Variants in PRKN observed in about 807,000 individuals in gnomAD.
PRKN encodes E3 ubiquitin-protein ligase parkin.
In PRKN, 56 loss-of-function variants were observed where a neutral mutation model predicts 59.5. The ratio of observed to expected loss-of-function variants is 0.94; its 90% CI spans 0.76 to 1.18. PRKN has a LOEUF of 1.18. PRKN is among the 50% of genes most tolerant of loss of function. The probability of loss-of-function intolerance (pLI) is 0.00; values close to 1 mark genes in which losing one functional copy is unlikely to be tolerated. For synonymous variants in PRKN, 250 were observed against 222.1 expected (o/e 1.13, Z -1.12); for missense variants, 657 against 596.4 (o/e 1.10, Z -1.06).
At chr6:162,163,952 T>C (rs1372876690) in intron 4 of PRKN, among the ~76,000 whole-genome samples, 2 of 148,926 alleles carry the variant, frequency 1.3e-5, no homozygotes, top group Admixed American at 6.7e-5. Context: ...GGTGACTCAC[T>C]AACATTTAAG....
intron 7 of PRKN, among the ~76,000 whole-genome samples, chr6:161,763,943 C>A (rs892556912): frequency 2.0e-5 from 3 of 152,230 alleles, no homozygotes; most frequent in Non-Finnish European, 4.4e-5. Context: ...TTTCCTCCCT[C>A]CAGCAGGAGT....
intron 1 of PRKN, among the ~76,000 whole-genome samples, chr6:162,682,594 G>A (rs922853489): frequency 3.3e-5 from 5 of 152,054 alleles, no homozygotes; most frequent in African/African-American, 1.2e-4. Flanking sequence ...AGGTACTGGG[G>A]CCTACTTGAG....
intron 1 of PRKN, among the ~76,000 whole-genome samples, chr6:162,721,262 A>G (rs778369207): frequency 2.6e-4 from 40 of 152,230 alleles, no homozygotes; most frequent in Admixed American, 7.9e-4. Context: ...TAAGAAGTAC[A>G]ATGAAGGTCA....
intron 2 of PRKN, among the ~76,000 whole-genome samples, chr6:162,314,197 C>A (rs756165939): frequency 4.6e-5 from 7 of 152,094 alleles, no homozygotes; most frequent in Non-Finnish European, 1.0e-4. Context: ...ATCCCATGTT[C>A]TGGGTTGAGT....
At chr6:161,763,690 C>G (rs113257874) in intron 7 of PRKN, among the ~76,000 whole-genome samples, 16 of 152,192 alleles carry the variant, frequency 1.1e-4, no homozygotes, top group Non-Finnish European at 5.9e-5. Flanking sequence ...CTTTCCCCCC[C>G]ACAACGTGCA....
chr6:161,888,774 T>C (rs2128231479), intron 6 of PRKN, among the ~76,000 whole-genome samples: 1 of 152,270 alleles, frequency 6.6e-6, no homozygotes, highest in Admixed American at 6.5e-5. Context: ...ACTAGAACCT[T>C]CAATCCATTA....
At chr6:161,856,609 T>G (rs1426069466) in intron 6 of PRKN, among the ~76,000 whole-genome samples, 1 of 152,174 alleles carries the variant, frequency 6.6e-6, no homozygotes, top group Admixed American at 6.5e-5. Context: ...AATATATTTC[T>G]ACAAATGTGT....
At chr6:162,088,444 G>A (rs1439704064) in intron 4 of PRKN, among the ~76,000 whole-genome samples, 1 of 152,084 alleles carries the variant, frequency 6.6e-6, no homozygotes, top group Non-Finnish European at 1.5e-5. Flanking sequence ...TAAGCTACTT[G>A]TTATATCTTT....
chr6:161,775,049 T>C (rs919016421), intron 7 of PRKN, among the ~76,000 whole-genome samples: 2 of 152,132 alleles, frequency 1.3e-5, no homozygotes, highest in Admixed American at 1.3e-4. Flanking sequence ...AGAAAGAGAA[T>C]GGACTGTCTG....
At chr6:161,699,640 A>G (rs2128178489) in intron 7 of PRKN, among the ~76,000 whole-genome samples, 1 of 152,306 alleles carries the variant, frequency 6.6e-6, no homozygotes, top group African/African-American at 2.4e-5. Context: ...TTCTATTTAT[A>G]TAATAAAAAT....
rs147062316 is a variant in PRKN at position 162,303,395 on chromosome 6, G to T, written c.172-40630C>A. 2.7e-3 allele frequency among the ~76,000 whole-genome samples: 405 copies of T among 152,238 alleles called. 2 individuals carry two copies. Among genetic ancestry groups the T allele is most frequent in the African/African-American group, 9.2e-3 (382 of 41,552 alleles). ...GCCAATGTTCTCAGTGCTCCACTGT[G>T]CATCTCTGTTCAATGCGATTCCTTT... is the stretch of plus-strand genomic sequence containing the variant. On this transcript the variant is annotated intron_variant, in intron 2 of 11. Coordinates refer to ENST00000366898, the MANE Select transcript of PRKN (RefSeq NM_004562.3).
rs116194135 is a variant in PRKN at position 162,093,832 on chromosome 6, G to A, written c.535-39658C>T. ...GTTCCCTGAAAGCAGGGACAAAGCC[G>A]TGGTCTTCCTTGTTTCCTCTGCACC... On this transcript the variant is annotated intron_variant, in intron 4 of 11. Coordinates refer to ENST00000366898, the MANE Select transcript of PRKN (RefSeq NM_004562.3). Among the ~76,000 whole-genome samples the A allele has an allele frequency of 2.7e-3, 417 of 152,286 alleles. 4 individuals carry two copies. The highest frequency in any genetic ancestry group is 9.3e-3 in the African/African-American group (387 of 41,554).
intron 3 of PRKN, among the ~76,000 whole-genome samples, chr6:162,257,741 C>G (rs925160740): frequency 2.0e-5 from 3 of 152,102 alleles, no homozygotes; most frequent in African/African-American, 7.2e-5. Flanking sequence ...ATGGCCCGTT[C>G]GCGATGTTCT....
At chr6:162,260,887 C>A (rs1388804036) in intron 3 of PRKN, among the ~76,000 whole-genome samples, 1 of 152,110 alleles carries the variant, frequency 6.6e-6, no homozygotes, top group Non-Finnish European at 1.5e-5. Context: ...TAAATCCAAT[C>A]TGTTATACAG....
At chr6:162,050,946 G>C (rs1777612644) in intron 5 of PRKN, among the ~76,000 whole-genome samples, 1 of 152,108 alleles carries the variant, frequency 6.6e-6, no homozygotes, top group African/African-American at 2.4e-5. Context: ...ATGGTGTTCG[G>C]AAAGGCCTGG....
rs1294046090 is a variant in PRKN at position 161,561,449 on chromosome 6, C to T, written c.933+7906G>A. On this transcript the variant is annotated intron_variant, in intron 8 of 11. Coordinates refer to ENST00000366898, the MANE Select transcript of PRKN (RefSeq NM_004562.3). This position sits in a 1 kb window ranked among gnomAD's most constrained non-coding sequence, Gnocchi z 5.0. ...GTGCTCAACAGATGTTTCCTAAGCA[C>T]ACTCTAAGTGTCAAGTACTCTTCTA... Among the ~76,000 whole-genome samples, 2 of 152,184 alleles carry T rather than the reference C, an allele frequency of 1.3e-5. No homozygotes were observed. The highest frequency in any genetic ancestry group is 2.9e-5 in the Non-Finnish European group (2 of 68,040).
intron 7 of PRKN, among the ~76,000 whole-genome samples, chr6:161,633,895 C>T (rs1175933599): frequency 6.6e-6 from 1 of 152,000 alleles, no homozygotes; most frequent in Non-Finnish European, 1.5e-5. Flanking sequence ...AAAATGTCTC[C>T]TGTCAGACGA....
chr6:162,056,859 A>G lies in PRKN; in HGVS notation c.535-2685T>C, dbSNP rs1777886961. On this transcript the variant is annotated intron_variant, in intron 4 of 11. Coordinates refer to ENST00000366898, the MANE Select transcript of PRKN (RefSeq NM_004562.3). This position sits in a 1 kb window ranked among gnomAD's most constrained non-coding sequence, Gnocchi z 4.9. ...TCCATTGAGCTTCCTGGCAGACAAC[A>G]CTTCACACGCGTTGTCACAACTGAG... Among the ~76,000 whole-genome samples, 1 of 152,140 alleles carries G rather than the reference A, an allele frequency of 6.6e-6. No individual in the cohort carries two copies. The highest frequency in any genetic ancestry group is 1.5e-5 in the Non-Finnish European group (1 of 68,036).
chr6:162,201,021 T>C, intron 4 of PRKN, 110 bp downstream of exon 4: 1 of 1,201,082 alleles, frequency 8.3e-7, no homozygotes, highest in Non-Finnish European at 1.2e-6. Flanking sequence ...CAGAAGAGAA[T>C]GTCTTTTCTT....
Sources: allele counts gnomAD v4.1 joint callset (sites outside exome capture counted in the v4.1 genomes callset), GRCh38; gene constraint gnomAD v4.1.1; non-coding constraint Gnocchi (gnomAD v3.1); transcripts MANE v1.5; gene names NCBI Gene and HGNC (gene_info 2026-07-23, HGNC 2026-07-21).